IL1RAPL2: variants seen among roughly 807,000 people sequenced by gnomAD.
IL1RAPL2 encodes interleukin 1 receptor accessory protein like 2.
Under a neutral mutation model 44.1 loss-of-function variants are expected in IL1RAPL2, and 3 were observed. The ratio of observed to expected loss-of-function variants is 0.07; its 90% CI spans 0.03 to 0.18. The LOEUF is 0.18. Ranked by LOEUF, IL1RAPL2 falls within the 10% of genes least tolerant of loss-of-function variation. IL1RAPL2 has a pLI of 1.00. For missense variants in IL1RAPL2, 391 were observed against 496.4 expected (o/e 0.79, Z 2.02); for synonymous variants, 181 against 178.8 (o/e 1.01, Z -0.10).
intron 1 of IL1RAPL2, among the ~76,000 whole-genome samples, chrX:104,644,145 A>C (rs1017897716): frequency 5.4e-5 from 6 of 111,624 alleles, no homozygotes; most frequent in Admixed American, 1.9e-4. Flanking sequence ...CACAATATGC[A>C]GGTTAGTTAC....
intron 6 of IL1RAPL2, among the ~76,000 whole-genome samples, chrX:105,670,085 G>A (rs867565860): frequency 3.0e-5 from 1 of 33,632 alleles, no homozygotes; most frequent in East Asian, 9.6e-4. Flanking sequence ...TATTTGTGTG[G>A]CTCTATTTCT....
intron 2 of IL1RAPL2, among the ~76,000 whole-genome samples, chrX:105,045,140 G>A (rs2031820176): frequency 9.0e-6 from 1 of 111,044 alleles, no homozygotes; most frequent in African/African-American, 3.3e-5. Flanking sequence ...TGAAAAAAAT[G>A]AGCCAATTAA....
intron 5 of IL1RAPL2, among the ~76,000 whole-genome samples, chrX:105,328,893 T>C (rs2147692656): frequency 8.9e-6 from 1 of 112,079 alleles, no homozygotes; most frequent in African/African-American, 3.2e-5. Context: ...TGTAGTAGGC[T>C]ATGCAGTCTA....
chrX:105,127,757 G>A (rs2032988309), intron 2 of IL1RAPL2, among the ~76,000 whole-genome samples: 1 of 111,082 alleles, frequency 9.0e-6, no homozygotes. Context: ...TTTCTTGTAT[G>A]TAGGTCATTA....
chrX:105,106,863 C>G (rs1052192477), intron 2 of IL1RAPL2, among the ~76,000 whole-genome samples: 2 of 111,751 alleles, frequency 1.8e-5, no homozygotes, highest in Non-Finnish European at 1.9e-5. Flanking sequence ...TCCTTATATT[C>G]TACCATGCAT....
At chrX:104,698,263 A>G (rs1373599449) in intron 2 of IL1RAPL2, among the ~76,000 whole-genome samples, 1 of 112,591 alleles carries the variant, frequency 8.9e-6, no homozygotes, top group South Asian at 3.7e-4. Flanking sequence ...CAGTTTCGTC[A>G]TATACTGCTC....
intron 2 of IL1RAPL2, among the ~76,000 whole-genome samples, chrX:105,053,933 C>G (rs1015979003): frequency 1.8e-5 from 2 of 111,482 alleles, no homozygotes; most frequent in African/African-American, 3.3e-5. Context: ...CTAAGAGTTC[C>G]AGGTTACATT....
At chrX:105,512,679 G>C (rs901667355) in intron 6 of IL1RAPL2, among the ~76,000 whole-genome samples, 1 of 111,605 alleles carries the variant, frequency 9.0e-6, no homozygotes, top group Non-Finnish European at 1.9e-5. Context: ...AGGAGTGTCA[G>C]ACAATATCTG....
chrX:105,571,658 T>C (rs1235422209), intron 6 of IL1RAPL2, among the ~76,000 whole-genome samples: 1 of 111,319 alleles, frequency 9.0e-6, no homozygotes, highest in East Asian at 2.8e-4. Context: ...TCATATGTGA[T>C]CCCTTCTTGA....
intron 6 of IL1RAPL2, among the ~76,000 whole-genome samples, chrX:105,598,206 G>C (rs1359932160): frequency 9.0e-6 from 1 of 110,583 alleles, no homozygotes; most frequent in Non-Finnish European, 1.9e-5. Flanking sequence ...ATAAGCCACA[G>C]AAAGAAAAAT....
chrX:104,898,959 T>C (rs754527457), intron 2 of IL1RAPL2, among the ~76,000 whole-genome samples: 1 of 112,356 alleles, frequency 8.9e-6, no homozygotes, highest in Admixed American at 9.4e-5. Flanking sequence ...TTACTGCAAA[T>C]ATTTTTTTTC....
At chrX:104,980,785 C>A (rs150167114) in intron 2 of IL1RAPL2, among the ~76,000 whole-genome samples, 1,255 of 111,735 alleles carry the variant, frequency 0.011, 19 homozygotes, top group African/African-American at 0.038. Context: ...CTTAGGATTG[C>A]TTTGGCTATT....
intron 9 of IL1RAPL2, among the ~76,000 whole-genome samples, chrX:105,751,282 A>T (rs1210795880): frequency 1.8e-5 from 2 of 110,721 alleles, no homozygotes; most frequent in East Asian, 5.7e-4. Flanking sequence ...ATCTAAAAGA[A>T]AAAAGAATAA....
At chrX:105,034,236 T>C (rs2031575606) in intron 2 of IL1RAPL2, among the ~76,000 whole-genome samples, 1 of 112,393 alleles carries the variant, frequency 8.9e-6, no homozygotes, top group Non-Finnish European at 1.9e-5. Flanking sequence ...TCAAAGTCAT[T>C]CTCCATCCAG....
At chrX:105,338,253 A>T (rs950214468) in intron 5 of IL1RAPL2, among the ~76,000 whole-genome samples, 2 of 111,922 alleles carry the variant, frequency 1.8e-5, no homozygotes, top group Admixed American at 1.9e-4. Flanking sequence ...GCCTTAGTTG[A>T]TGTTACTGTC....
chrX:104,647,687 C>T lies in IL1RAPL2; in HGVS notation c.-19-11208C>T. 9.1e-6 allele frequency: 5 copies of T among 548,941 alleles called. No individual in the cohort carries two copies. The South Asian group carries it at 1.2e-4, about 13-fold the overall frequency. The allele number at this position is 548,941 out of a possible 1,213,427, so 45.2% of individuals were successfully genotyped here. A position where few individuals can be genotyped will look rare whatever the true frequency, so the allele number is the denominator to read the frequency against. On this transcript the variant is annotated intron_variant, in intron 1 of 10. Transcript: ENST00000372582. ...GTCCTCTCTGATGCTGGTGAAGATG[C>T]AAGGAAGCTGGCTAGCGACAGGCCA...
chrX:104,629,306 C>G (rs1208839915), intron 1 of IL1RAPL2, among the ~76,000 whole-genome samples: 1 of 111,069 alleles, frequency 9.0e-6, no homozygotes, highest in African/African-American at 3.3e-5. Context: ...TTTCATATAC[C>G]TGTTGGCTAT....
chrX:104,742,690 G>T (rs1932116456), intron 2 of IL1RAPL2, among the ~76,000 whole-genome samples: 1 of 111,331 alleles, frequency 9.0e-6, no homozygotes, highest in Non-Finnish European at 1.9e-5. Context: ...CATGGATTCA[G>T]GTTAAGTGCT....
intron 5 of IL1RAPL2, among the ~76,000 whole-genome samples, chrX:105,352,233 A>AC (rs1273754733): frequency 8.9e-6 from 1 of 111,995 alleles, no homozygotes; most frequent in Non-Finnish European, 1.9e-5. Context: ...CCTAGCTGCC[A>AC]CCCCGAACTT....
Sources: gnomAD v4.1 joint callset for allele counts (sites outside exome capture counted in the v4.1 genomes callset) on GRCh38, gnomAD v4.1.1 for gene constraint, MANE v1.5 for transcripts, NCBI Gene and HGNC (gene_info 2026-07-23, HGNC 2026-07-21) for gene names.